Variants in SLFN14 observed in about 807,000 individuals in gnomAD.
SLFN14 encodes the protein protein SLFN14.
Under a neutral mutation model 58.6 loss-of-function variants are expected in SLFN14, and 47 were observed. The ratio of observed to expected loss-of-function variants is 0.80; its 90% CI spans 0.64 to 1.02. SLFN14 has a LOEUF of 1.02. SLFN14 is among the 50% of genes least tolerant of loss of function. SLFN14 has a pLI of 0.00. For synonymous variants in SLFN14, 390 were observed against 387.3 expected (o/e 1.01, Z -0.08); for missense variants, 967 against 1,078.4 (o/e 0.90, Z 1.45).
rs992274832 is a variant in SLFN14 at position 35,553,135 on chromosome 17, C to T, written c.1499G>A (p.Gly500Asp). The change falls in exon 5 of 6, where the codon GGT (glycine) becomes GAT (aspartate). Residue 500 changes from glycine (G) to aspartate (D), a missense_variant. Physicochemically the swap from Gly to Asp is moderately conservative, Grantham distance 94. Coordinates refer to ENST00000674182, the MANE Select transcript of SLFN14 (RefSeq NM_001129820.2). ...GATGCACACTTTCCCTGTGTAACCACCAACAGTTTGCAGTTTCTGCTTTAA... is the reference window on the plus strand; with the variant it reads ...GATGCACACTTTCCCTGTGTAACCATCAACAGTTTGCAGTTTCTGCTTTAA... Reference protein sequence around the residue: ...HQLKQKLQTVGGYTGKVCIIP... With the variant: ...HQLKQKLQTVDGYTGKVCIIP... 2.4e-5 allele frequency: 38 copies of T among 1,551,568 alleles called. No homozygotes were observed. Among genetic ancestry groups the T allele is most frequent in the Non-Finnish European group, 3.1e-5 (36 of 1,146,994 alleles).
At chr17:35,553,697 G>A (rs1392946890) in intron 4 of SLFN14, among the ~76,000 whole-genome samples, 1 of 152,086 alleles carries the variant, frequency 6.6e-6, no homozygotes, top group East Asian at 1.9e-4. Flanking sequence ...GGAGTGCAGT[G>A]GTGTGATCTT....
intron 2 of SLFN14, among the ~76,000 whole-genome samples, chr17:35,559,121 G>A (rs1373471428): frequency 6.6e-6 from 1 of 152,076 alleles, no homozygotes; most frequent in Non-Finnish European, 1.5e-5. Context: ...AGCTACCTAG[G>A]AGGCTGAGGT....
rs1477255495 is a variant in SLFN14 at position 35,557,343 on chromosome 17, C to G, written c.720G>C (p.Gly240=). 6.4e-7 allele frequency: 1 copy of G among 1,551,568 alleles called. No homozygotes were observed. Among genetic ancestry groups the G allele is most frequent in the African/African-American group, 1.4e-5 (1 of 73,042 alleles). ...CATCCACCCCAATGAGGACATATCCCCCTTGAGTGTTGGCAAATGCAGAAA... is the reference window on the plus strand; with the variant it reads ...CATCCACCCCAATGAGGACATATCCGCCTTGAGTGTTGGCAAATGCAGAAA... ...HYVSAFANTQ[G]GYVLIGVDDK... The change falls in exon 3 of 6, where the codon GGG becomes GGC. Residue 240 remains glycine, a synonymous_variant. Transcript: ENST00000674182.
Position 35,553,252 on chromosome 17 carries a change from A to G in SLFN14, c.1382T>C (p.Ile461Thr). 3 of 1,551,682 alleles carry G rather than the reference A, an allele frequency of 1.9e-6. No homozygotes were observed. Among genetic ancestry groups the G allele is most frequent in the Non-Finnish European group, 2.6e-6 (3 of 1,146,996 alleles). ...GAGTACCACGGGGCTGTTAACTGCTATCAGGAGAGCATCACACAGGACATT... is the reference window on the plus strand; with the variant it reads ...GAGTACCACGGGGCTGTTAACTGCTGTCAGGAGAGCATCACACAGGACATT... ...EQNVLCDALLIAVNSPVVLYT... is the reference protein window; with the variant it reads ...EQNVLCDALLTAVNSPVVLYT... The change falls in exon 5 of 6, where the codon ATA (isoleucine) becomes ACA (threonine). Residue 461 changes from isoleucine to threonine, a missense_variant. Coordinates refer to ENST00000674182, the MANE Select transcript of SLFN14 (RefSeq NM_001129820.2).
In SLFN14 at chr17:35,558,527, G is replaced by T. The variant is rs373484778; in HGVS notation, c.-44-421C>A. ...CCTGCCTGGGCCTCCCTCCCAAAGT[G>T]CTGGGATTACAGATGTGAGCCACCG... On this transcript the variant is annotated intron_variant, in intron 2 of 5. Coordinates refer to ENST00000674182, the MANE Select transcript of SLFN14 (RefSeq NM_001129820.2). 2.0e-5 allele frequency among the ~76,000 whole-genome samples: 3 copies of T among 151,568 alleles called. No individual in the cohort carries two copies. The East Asian group carries it at 5.8e-4, about 29-fold the overall frequency.
chr17:35,552,610 ATG>A, intron 5 of SLFN14, 118 bp downstream of exon 5: 1 of 319,738 alleles, frequency 3.1e-6, no homozygotes, highest in Middle Eastern at 1.0e-3. Context: ...ATATATATAT[ATG>A]TGTATATATA....
At position 35,557,649 on chromosome 17, in the gene SLFN14, A is replaced by G. The variant is rs1356452764; in HGVS notation, c.414T>C (p.Ala138=). ...SNLYRRDVTS[A]INLSASSALE... is the part of the protein sequence containing the mutation. ...GGGCACTGCTAGCACTCAAGTTGAT[A>G]GCAGAAGTCACATCTCTCCGATACA... is the stretch of plus-strand genomic sequence containing the variant. Residue 138 remains alanine, a synonymous_variant, in exon 3 of 6, where the codon GCT becomes GCC. Coordinates refer to ENST00000674182, the MANE Select transcript of SLFN14 (RefSeq NM_001129820.2). The G allele has an allele frequency of 3.9e-6, 6 of 1,551,720 alleles. No individual in the cohort carries two copies. Among genetic ancestry groups the G allele is most frequent in the Non-Finnish European group, 5.2e-6 (6 of 1,146,988 alleles).
chr17:35,546,701 T>G lies in SLFN14; in HGVS notation c.*1538A>C, dbSNP rs2072536913. 6.6e-6 allele frequency among the ~76,000 whole-genome samples: 1 copy of G among 152,240 alleles called. No individual in the cohort carries two copies. Among genetic ancestry groups the G allele is most frequent in the Admixed American group, 6.5e-5 (1 of 15,286 alleles). ...ACTGACTAGAAAAGGGGAACTTTGA[T>G]TTCATTTCTAATATGTATCATATAC... is the stretch of plus-strand genomic sequence containing the variant. On this transcript the variant is annotated 3_prime_UTR_variant, in exon 6 of 6. Transcript: ENST00000674182.
In SLFN14 at chr17:35,549,900, A is replaced by G. The variant is rs142474632; in HGVS notation, c.1905-827T>C. Among the ~76,000 whole-genome samples the G allele has an allele frequency of 2.0e-5, 3 of 152,258 alleles. No individual in the cohort carries two copies. In the East Asian group the frequency reaches 5.8e-4, roughly 29 times the overall value. On this transcript the variant is annotated intron_variant, in intron 5 of 5. Transcript: ENST00000674182. ...TCTTAGCCATCTTTGTATCCCTCTC[A>G]CATTAAGGGTTTCATAGATATTTGT...
intron 5 of SLFN14, among the ~76,000 whole-genome samples, chr17:35,551,128 C>A (rs1438105961): frequency 1.3e-5 from 2 of 152,084 alleles, no homozygotes; most frequent in African/African-American, 4.8e-5. Flanking sequence ...TTATAAATTA[C>A]CTGTTTACAG....
intron 5 of SLFN14, among the ~76,000 whole-genome samples, chr17:35,551,945 A>T (rs2072592900): frequency 6.6e-6 from 1 of 152,058 alleles, no homozygotes. Context: ...TCCTCTTTGG[A>T]CCCTGTATCT....
rs1397257776 is a variant in SLFN14, at chr17:35,557,001, A to G, written c.1060+2T>C. 3 of 1,548,062 alleles carry G rather than the reference A, an allele frequency of 1.9e-6. No individual in the cohort carries two copies. Among genetic ancestry groups the G allele is most frequent in the South Asian group, 2.4e-5 (2 of 83,486 alleles). On this transcript the variant is annotated splice_donor_variant, in intron 3 of 5. Coordinates refer to ENST00000674182, the MANE Select transcript of SLFN14 (RefSeq NM_001129820.2). LOFTEE classifies it high-confidence loss of function. ...GGGGACAATGACTTCACTTCCCTTT[A>G]CCTGACTGAGTATCCAGCATCATGA...
At chr17:35,555,312 C>T (rs1017108708) in intron 3 of SLFN14, among the ~76,000 whole-genome samples, 3 of 151,072 alleles carry the variant, frequency 2.0e-5, no homozygotes, top group Admixed American at 2.0e-4. Flanking sequence ...ACGGAGCTTG[C>T]AGTGAGCCGA....
rs1029631880 is a variant in SLFN14, at chr17:35,548,887, C to T, written c.2091G>A (p.Gly697=). The change falls in exon 6 of 6, where the codon GGG becomes GGA. Residue 697 remains glycine, a synonymous_variant. Coordinates refer to ENST00000674182, the MANE Select transcript of SLFN14 (RefSeq NM_001129820.2). Reference sequence around the variant, plus strand: ...AAGGGTCAAGAAAAAGCCAGAGAATCCCATGGTGAAGGTTTTCACTTCCAG... The same window carrying T: ...AAGGGTCAAGAAAAAGCCAGAGAATTCCATGGTGAAGGTTTTCACTTCCAG... ...KGTGSENLHH[G]ILWLFLDPFQ... is the part of the protein sequence containing the mutation. 1.9e-6 allele frequency: 3 copies of T among 1,551,698 alleles called. No individual in the cohort carries two copies. The African/African-American group carries it at 4.1e-5, about 21-fold the overall frequency.
chr17:35,549,624 C>T (rs1186225003), intron 5 of SLFN14, among the ~76,000 whole-genome samples: 3 of 152,176 alleles, frequency 2.0e-5, no homozygotes, highest in Non-Finnish European at 4.4e-5. Flanking sequence ...GGGGCTATGC[C>T]TCTTTGGAGC....
chr17:35,549,935 C>A (rs1029270468), intron 5 of SLFN14, among the ~76,000 whole-genome samples: 1 of 152,160 alleles, frequency 6.6e-6, no homozygotes, highest in African/African-American at 2.4e-5. Context: ...TTGAGTTAGC[C>A]TTTTGACTGG....
intron 5 of SLFN14, 98 bp from the exon 6 acceptor site, chr17:35,549,171 G>T: frequency 1.1e-6 from 1 of 929,664 alleles, no homozygotes; most frequent in Non-Finnish European, 1.6e-6. Flanking sequence ...ATTCTCATCT[G>T]CAGGCTGAGT....
rs940058590 is a variant in SLFN14 at position 35,546,774 on chromosome 17, T to C, written c.*1465A>G. Among the ~76,000 whole-genome samples, 8 of 152,168 alleles carry C rather than the reference T, an allele frequency of 5.3e-5. No homozygotes were observed. Among genetic ancestry groups the C allele is most frequent in the Non-Finnish European group, 8.8e-5 (6 of 68,030 alleles). On this transcript the variant is annotated 3_prime_UTR_variant, in exon 6 of 6. Transcript: ENST00000674182. Reference sequence around the variant, plus strand: ...GATAATAAAAGTTTAATTGAGGTAGTAGGCATTTGAAAAAGGATGTGATTG... The same window carrying C: ...GATAATAAAAGTTTAATTGAGGTAGCAGGCATTTGAAAAAGGATGTGATTG...
At chr17:35,553,466 G>T in intron 4 of SLFN14, 22 bp from the exon 5 acceptor site, 1 of 1,491,700 alleles carries the variant, frequency 6.7e-7, no homozygotes. Flanking sequence ...AGGAATAGAT[G>T]TTACCAAAAC....
Sources: allele counts gnomAD v4.1 joint callset (sites outside exome capture counted in the v4.1 genomes callset), GRCh38; gene constraint gnomAD v4.1.1; transcripts MANE v1.5; gene names NCBI Gene and HGNC (gene_info 2026-07-23, HGNC 2026-07-21).